The following USP37 variants were observed in gnomAD, a reference collection of about 807,000 sequenced individuals.
The protein encoded by USP37 is ubiquitin carboxyl-terminal hydrolase 37.
A neutral mutation model predicts 124.0 loss-of-function variants in USP37; 27 were observed. The observed-to-expected ratio is 0.22, with a 90% CI of 0.16 to 0.30. The LOEUF is 0.30. Among genes scored for constraint, USP37 ranks in the 10% least tolerant of loss-of-function variants. USP37 has a pLI of 1.00. For missense variants in USP37, 889 were observed against 1,140.4 expected, an observed-to-expected ratio of 0.78 and a Z score of 3.17; for synonymous variants, 365 against 388.0, an observed-to-expected ratio of 0.94 and a Z score of 0.70.
Position 218,471,130 on chromosome 2 carries a change from A to T in USP37, c.2299+3500T>A, listed in dbSNP as rs545082432. On this transcript the variant is annotated intron_variant, in intron 20 of 25. Transcript: ENST00000258399. ...AAAGTCCACGGAACACAGTTTTGTG[A>T]TTTTCTTTAGCAATCTTCACCAGCT... Among the ~76,000 whole-genome samples, 336 of 152,294 alleles carry T rather than the reference A, an allele frequency of 2.2e-3. 1 individual carries two copies. The highest frequency in any genetic ancestry group is 3.7e-3 in the Non-Finnish European group (254 of 68,028).
At chr2:218,565,249 A>G (rs1489906966) in intron 1 of USP37, among the ~76,000 whole-genome samples, 6 of 152,172 alleles carry the variant, frequency 3.9e-5, no homozygotes, top group African/African-American at 1.2e-4. Context: ...TTTGTCATTC[A>G]CCAACAACTG....
At chr2:218,559,138 C>T (rs751619825) in intron 3 of USP37, among the ~76,000 whole-genome samples, 19 of 151,922 alleles carry the variant, frequency 1.3e-4, no homozygotes, top group Non-Finnish European at 2.5e-4. Context: ...GAGGCTCTAT[C>T]GCTACAAAAA....
intron 14 of USP37, among the ~76,000 whole-genome samples, chr2:218,493,317 C>T (rs1049805449): frequency 1.3e-5 from 2 of 152,170 alleles, no homozygotes; most frequent in African/African-American, 2.4e-5. Context: ...ACAACCTGCC[C>T]GGTCTAGCCA....
chr2:218,549,910 C>A lies in USP37; in HGVS notation c.329-1G>T. ...CCAGACCCCTGAGACGGTTTCATGG[C>A]TGGTGACCAAAAATATAATTTTTTT... On this transcript the variant is annotated splice_acceptor_variant, in intron 5 of 25. Transcript: ENST00000258399. LOFTEE classifies it high-confidence loss of function. The A allele has an allele frequency of 6.3e-7, 1 of 1,586,814 alleles. No individual in the cohort carries two copies. Among genetic ancestry groups the A allele is most frequent in the South Asian group, 1.2e-5 (1 of 85,920 alleles).
At chr2:218,558,433 C>A in intron 4 of USP37, 65 bp downstream of exon 4, 1 of 1,474,370 alleles carries the variant, frequency 6.8e-7, no homozygotes, top group Non-Finnish European at 9.2e-7. Context: ...TTTACTATGG[C>A]ACAGAATAGC....
intron 15 of USP37, among the ~76,000 whole-genome samples, chr2:218,486,958 C>A (rs891109822): frequency 6.6e-6 from 1 of 152,008 alleles, no homozygotes; most frequent in Non-Finnish European, 1.5e-5. Context: ...GATCTCCTGA[C>A]CTCGTGATCC....
At chr2:218,536,017 C>CAAAAAAAAAAAAAAA (rs59248363) in intron 8 of USP37, among the ~76,000 whole-genome samples, 1 of 80,832 alleles carries the variant, frequency 1.2e-5, no homozygotes, top group Non-Finnish European at 2.3e-5. Context: ...GACTTCATCT[C>CAAAAAAAAAAAAAAA]AAAAAAAAAA....
At chr2:218,510,789 T>G (rs1378704786) in intron 10 of USP37, among the ~76,000 whole-genome samples, 1 of 152,104 alleles carries the variant, frequency 6.6e-6, no homozygotes, top group Non-Finnish European at 1.5e-5. Context: ...GCTCAGGAGT[T>G]TGAGACCAGC....
In USP37 at chr2:218,560,870, T is replaced by C. The variant is rs1693269526; in HGVS notation, c.-75A>G. On this transcript the variant is annotated 5_prime_UTR_variant, in exon 3 of 26. Coordinates refer to ENST00000258399, the MANE Select transcript of USP37 (RefSeq NM_020935.3). ...CCCCTAGTTGGAGGTCTCTGGTTAC[T>C]GTATGGCAAATAACTGAAGATAAAA... The C allele has an allele frequency of 1.3e-5, 2 of 152,220 alleles. No homozygotes were observed. The highest frequency in any genetic ancestry group is 2.9e-5 in the Non-Finnish European group (2 of 68,040). 9.4% of individuals were successfully genotyped at this position (152,220 alleles called of 1,614,324 possible).
At chr2:218,539,605 C>T (rs1691861249) in intron 8 of USP37, among the ~76,000 whole-genome samples, 1 of 151,914 alleles carries the variant, frequency 6.6e-6, no homozygotes. Context: ...GTCCCAGCTG[C>T]CTGGGAGGCT....
At chr2:218,558,427 C>A in intron 4 of USP37, 71 bp downstream of exon 4, 1 of 1,432,280 alleles carries the variant, frequency 7.0e-7, no homozygotes, top group South Asian at 1.4e-5. Flanking sequence ...GTGATGTTTA[C>A]TATGGCACAG....
At chr2:218,503,688 C>T (rs1010940402) in intron 11 of USP37, among the ~76,000 whole-genome samples, 1 of 151,940 alleles carries the variant, frequency 6.6e-6, no homozygotes, top group Non-Finnish European at 1.5e-5. Context: ...GCACTCCAGC[C>T]TGGGCAACGA....
Position 218,529,477 on chromosome 2 carries a change from C to CAA in USP37, c.863+477_863+478dup, listed in dbSNP as rs71403049. Among the ~76,000 whole-genome samples, 560 of 112,476 alleles carry CAA rather than the reference C, an allele frequency of 5.0e-3. 8 individuals carry two copies. Among genetic ancestry groups the CAA allele is most frequent in the African/African-American group, 0.013 (435 of 32,924 alleles). 73.8% of individuals were successfully genotyped at this position (112,476 alleles called of 152,430 possible). Reference sequence around the variant, plus strand: ...TGACAGGGCGAGACTTGGTCTCAAACAAAAAAAAAAAAAAAAAAAATTCTG... The same window carrying CAA: ...TGACAGGGCGAGACTTGGTCTCAAACAAAAAAAAAAAAAAAAAAAAAATTCTG... On this transcript the variant is annotated intron_variant, in intron 10 of 25. Coordinates refer to ENST00000258399, the MANE Select transcript of USP37 (RefSeq NM_020935.3).
At chr2:218,520,935 T>C (rs1194099047) in intron 10 of USP37, among the ~76,000 whole-genome samples, 3 of 152,120 alleles carry the variant, frequency 2.0e-5, no homozygotes, top group African/African-American at 7.2e-5. Flanking sequence ...TGGTGGAAGG[T>C]GATTGGATCA....
Position 218,453,166 on chromosome 2 carries a change from T to C in USP37, c.*1764A>G, listed in dbSNP as rs1447444247. 1 of 152,120 alleles carries C rather than the reference T, an allele frequency of 6.6e-6. No homozygotes were observed. The highest frequency in any genetic ancestry group is 1.5e-5 in the Non-Finnish European group (1 of 68,012). The allele number at this position is 152,120 out of a possible 1,614,324, so 9.4% of individuals were successfully genotyped here. Reference sequence around the variant, plus strand: ...GAATAGTTTACTACATTAGAATACATCCAAGTTCCAAGAGTAGGACTGGAG... The same window carrying C: ...GAATAGTTTACTACATTAGAATACACCCAAGTTCCAAGAGTAGGACTGGAG... On this transcript the variant is annotated 3_prime_UTR_variant, in exon 26 of 26. Transcript: ENST00000258399.
At chr2:218,528,654 T>A in intron 10 of USP37, 1 of 419,634 alleles carries the variant, frequency 2.4e-6, no homozygotes, top group Non-Finnish European at 4.2e-6. Flanking sequence ...ATGCCACATT[T>A]TCTTTATCCT....
intron 20 of USP37, among the ~76,000 whole-genome samples, chr2:218,473,705 T>C (rs1057173046): frequency 2.6e-5 from 4 of 152,332 alleles, no homozygotes; most frequent in South Asian, 4.1e-4. Context: ...GCAGGATGGC[T>C]CAGCTCTGTT....
At chr2:218,467,304 C>G (rs2106412162) in intron 20 of USP37, among the ~76,000 whole-genome samples, 1 of 142,852 alleles carries the variant, frequency 7.0e-6, no homozygotes, top group East Asian at 2.1e-4. Context: ...GCCACCATGC[C>G]CAGCTAATCT....
At position 218,556,660 on chromosome 2, in the gene USP37, C is replaced by T. The variant is rs186511023; in HGVS notation, c.156+1838G>A. ...TCCCGAGTAGCTGGGAATACAGGTG[C>T]CCACTACCGTGCCTGCTAATTTTTG... On this transcript the variant is annotated intron_variant, in intron 4 of 25. Transcript: ENST00000258399. Among the ~76,000 whole-genome samples the T allele has an allele frequency of 9.6e-4, 145 of 151,754 alleles. 1 individual carries two copies. The highest frequency in any genetic ancestry group is 2.7e-4 in the Non-Finnish European group (18 of 67,902).
Sources: gnomAD v4.1 joint callset for allele counts (sites outside exome capture counted in the v4.1 genomes callset) on GRCh38, gnomAD v4.1.1 for gene constraint, MANE v1.5 for transcripts, NCBI Gene and HGNC (gene_info 2026-07-23, HGNC 2026-07-21) for gene names.